Variants in KLF7 observed in about 807,000 individuals in gnomAD.
The protein encoded by KLF7 is KLF transcription factor 7, also known as Krueppel-like factor 7.
KLF7 carries 2 observed loss-of-function variants against 27.3 expected under a neutral mutation model. The observed-to-expected ratio is 0.07, with a 90% CI of 0.03 to 0.23. The LOEUF (loss-of-function observed/expected upper bound fraction) is 0.23, where lower values mean the gene tolerates loss of function less well. Ranked by LOEUF, KLF7 falls within the 10% of genes least tolerant of loss-of-function variation. The pLI is 1.00. For synonymous variants in KLF7, 165 were observed against 162.4 expected (o/e 1.02, Z -0.12); for missense variants, 221 against 394.1 (o/e 0.56, Z 3.72).
intron 2 of KLF7, among the ~76,000 whole-genome samples, chr2:207,104,857 G>T (rs573513176): frequency 9.8e-5 from 15 of 152,286 alleles, no homozygotes; most frequent in African/African-American, 3.1e-4. Flanking sequence ...AAGAATGTCA[G>T]AACTATTTAG....
the KLF7 span, among the ~76,000 whole-genome samples, chr2:207,172,437 A>G: frequency 6.6e-6 from 1 of 152,150 alleles, no homozygotes; most frequent in Non-Finnish European, 1.5e-5. Context: ...GAAGGCTCCC[A>G]TGTCATGTAA....
intron 2 of KLF7, among the ~76,000 whole-genome samples, chr2:207,095,250 G>A (rs974332363): frequency 2.0e-5 from 3 of 151,854 alleles, no homozygotes; most frequent in Admixed American, 6.6e-5. Context: ...GGGTTTCACC[G>A]TGGTAGCCAG....
At chr2:207,095,031 CTTT>C (rs36091471) in intron 2 of KLF7, among the ~76,000 whole-genome samples, 38 of 82,430 alleles carry the variant, frequency 4.6e-4, no homozygotes, top group South Asian at 5.3e-4. Context: ...TGTTTTTATT[CTTT>C]TTTTTTTTTT....
In KLF7 at chr2:207,078,827, T is replaced by C. The variant is rs560385597; in HGVS notation, c.*2386A>G. 6 of 152,322 alleles carry C rather than the reference T, an allele frequency of 3.9e-5. No homozygotes were observed. Among genetic ancestry groups the C allele is most frequent in the African/African-American group, 1.4e-4 (6 of 41,570 alleles). 9.4% of individuals were successfully genotyped at this position (152,322 alleles called of 1,614,324 possible). On this transcript the variant is annotated 3_prime_UTR_variant, in exon 4 of 4. Coordinates refer to ENST00000309446, the MANE Select transcript of KLF7 (RefSeq NM_003709.4). ...AATATAATCCCATGGTACGCCCTGA[T>C]GGACTGGCCACAAAATGCACTCAAA...
rs1431810877 is a variant in KLF7, at chr2:207,076,853, A to G, written c.*4360T>C. On this transcript the variant is annotated 3_prime_UTR_variant, in exon 4 of 4. Coordinates refer to ENST00000309446, the MANE Select transcript of KLF7 (RefSeq NM_003709.4). ...CAGGTGGCCACTTCCCGAAAATGCAAAGGAAAGCTTCCAGGAGTAAATTTC... is the reference window on the plus strand; with the variant it reads ...CAGGTGGCCACTTCCCGAAAATGCAGAGGAAAGCTTCCAGGAGTAAATTTC... 1 of 152,196 alleles carries G rather than the reference A, an allele frequency of 6.6e-6. No individual in the cohort carries two copies. The highest frequency in any genetic ancestry group is 1.5e-5 in the Non-Finnish European group (1 of 68,026). The allele number at this position is 152,196 out of a possible 1,614,324, so 9.4% of individuals were successfully genotyped here. A position where few individuals can be genotyped will look rare whatever the true frequency, so the allele number is the denominator to read the frequency against.
intron 1 of KLF7, among the ~76,000 whole-genome samples, chr2:207,131,531 A>T (rs193028037): frequency 3.3e-5 from 5 of 152,314 alleles, no homozygotes; most frequent in Admixed American, 6.5e-5. Context: ...TCTTTCTTCA[A>T]GCCACCCTCT....
intron 1 of KLF7, among the ~76,000 whole-genome samples, chr2:207,139,788 T>TAA (rs2077889985): frequency 6.6e-6 from 1 of 152,246 alleles, no homozygotes; most frequent in African/African-American, 2.4e-5. Context: ...GTTGAATTGT[T>TAA]AAAAGCAAAT....
At chr2:207,099,869 C>A (rs13383786) in intron 2 of KLF7, among the ~76,000 whole-genome samples, 1 of 152,106 alleles carries the variant, frequency 6.6e-6, no homozygotes, top group African/African-American at 2.4e-5. Context: ...GTGGCTCACA[C>A]CTGTAATCCC....
chr2:207,088,733 T>C, intron 2 of KLF7, 152 bp from the exon 3 acceptor site: 1 of 781,812 alleles, frequency 1.3e-6, no homozygotes, highest in Non-Finnish European at 1.8e-6. Context: ...ACCACTGTCT[T>C]TTGGGTTTTT....
chr2:207,122,208 T>G (rs186502997), intron 2 of KLF7, among the ~76,000 whole-genome samples: 1 of 152,138 alleles, frequency 6.6e-6, no homozygotes, highest in African/African-American at 2.4e-5. Context: ...TGTGGAGTGG[T>G]GAACTGGAAC....
At chr2:207,085,970 G>A (rs1291457613) in intron 3 of KLF7, among the ~76,000 whole-genome samples, 12 of 122,502 alleles carry the variant, frequency 9.8e-5, no homozygotes, top group Admixed American at 7.6e-4. Flanking sequence ...GACATTTAAC[G>A]ATTTTAAATG....
upstream of KLF7, among the ~76,000 whole-genome samples, chr2:207,169,604 T>G (rs1006529214): frequency 6.6e-6 from 1 of 152,224 alleles, no homozygotes; most frequent in Non-Finnish European, 1.5e-5. Flanking sequence ...AGATACTGCT[T>G]TTTTATACAA....
rs2076239374 is a variant in KLF7 at position 207,079,885 on chromosome 2, G to A, written c.*1328C>T. On this transcript the variant is annotated 3_prime_UTR_variant, in exon 4 of 4. Coordinates refer to ENST00000309446, the MANE Select transcript of KLF7 (RefSeq NM_003709.4). ...AAATTGTGTATTGTAACACGTAGGG[G>A]AATAGGAGCTCAGTGGGCATGACAG... is the stretch of plus-strand genomic sequence containing the variant. 6.6e-6 allele frequency: 1 copy of A among 152,216 alleles called. No homozygotes were observed. The highest frequency in any genetic ancestry group is 2.1e-4 in the South Asian group (1 of 4,838). 9.4% of individuals were successfully genotyped at this position (152,216 alleles called of 1,614,324 possible).
intron 2 of KLF7, among the ~76,000 whole-genome samples, chr2:207,095,447 A>T (rs1312137225): frequency 6.6e-6 from 1 of 152,206 alleles, no homozygotes; most frequent in Non-Finnish European, 1.5e-5. Context: ...GTAATCCAAA[A>T]TTTAAACCAT....
At chr2:207,091,262 G>C (rs536625092) in intron 2 of KLF7, among the ~76,000 whole-genome samples, 2 of 152,284 alleles carry the variant, frequency 1.3e-5, no homozygotes, top group Non-Finnish European at 2.9e-5. Context: ...ATAATATCAA[G>C]GATATAGTTC....
At chr2:207,088,723 A>G (rs992577991) in intron 2 of KLF7, 142 bp from the exon 3 acceptor site, 2 of 847,766 alleles carry the variant, frequency 2.4e-6, no homozygotes, top group East Asian at 2.8e-5. Flanking sequence ...AACATAGTAT[A>G]CCACTGTCTT....
At chr2:207,108,929 G>A (rs763171687) in intron 2 of KLF7, among the ~76,000 whole-genome samples, 1 of 152,102 alleles carries the variant, frequency 6.6e-6, no homozygotes, top group Non-Finnish European at 1.5e-5. Context: ...ACTGAGAGGA[G>A]CATACAACTC....
intron 1 of KLF7, chr2:207,149,205 G>A (rs1050350695): frequency 1.8e-5 from 23 of 1,266,794 alleles, no homozygotes; most frequent in Admixed American, 1.2e-4. Context: ...AATTTTCTGA[G>A]GAGAAAAAAT....
At position 207,097,201 on chromosome 2, in the gene KLF7, T is replaced by C. The variant is rs2076651761; in HGVS notation, c.734-8620A>G. Among the ~76,000 whole-genome samples, 2 of 151,956 alleles carry C rather than the reference T, an allele frequency of 1.3e-5. 1 individual carries two copies. Among genetic ancestry groups the C allele is most frequent in the South Asian group, 4.2e-4 (2 of 4,814 alleles). ...GCCACATAATAGCAATGTGGCCTTG[T>C]AAAGGTATTTAATAACTTCTTTGGG... On this transcript the variant is annotated intron_variant, in intron 2 of 3. Transcript: ENST00000309446.
Sources: gnomAD v4.1 joint callset for allele counts (sites outside exome capture counted in the v4.1 genomes callset) on GRCh38, gnomAD v4.1.1 for gene constraint, MANE v1.5 for transcripts, NCBI Gene and HGNC (gene_info 2026-07-23, HGNC 2026-07-21) for gene names.